LIMD1: variants seen among roughly 807,000 people sequenced by gnomAD.
LIMD1 encodes LIM domain-containing protein 1.
LIMD1 carries 23 observed loss-of-function variants against 58.4 expected under a neutral mutation model. The ratio of observed to expected loss-of-function variants is 0.39; its 90% CI spans 0.28 to 0.56. The LOEUF (loss-of-function observed/expected upper bound fraction) is 0.56, where lower values mean the gene tolerates loss of function less well. Among genes scored for constraint, LIMD1 ranks in the 20% least tolerant of loss-of-function variants. The pLI is 0.57. For missense variants in LIMD1, 838 were observed against 855.5 expected, an observed-to-expected ratio of 0.98 and a Z score of 0.25; for synonymous variants, 334 against 345.5, an observed-to-expected ratio of 0.97 and a Z score of 0.37.
rs1701339129 is a variant in LIMD1 at position 45,595,661 on chromosome 3, G to T, written c.782G>T (p.Gly261Val). 1 of 1,614,194 alleles carries T rather than the reference G, an allele frequency of 6.2e-7. No individual in the cohort carries two copies. Among genetic ancestry groups the T allele is most frequent in the Non-Finnish European group, 8.5e-7 (1 of 1,180,046 alleles). ...GGCCGCAGCAGCGAGAAGCCAACAGGCCTTTGGTCCACTGCCTCCTCCCAG... is the reference window on the plus strand; with the variant it reads ...GGCCGCAGCAGCGAGAAGCCAACAGTCCTTTGGTCCACTGCCTCCTCCCAG... Reference protein sequence around the residue: ...IGGRSSEKPTGLWSTASSQRV... With the variant: ...IGGRSSEKPTVLWSTASSQRV... The change falls in exon 1 of 8, where the codon GGC (glycine) becomes GTC (valine). Residue 261 changes from glycine (G) to valine (V), a missense_variant. This residue lies in a region of LIMD1 where 659 missense variants were observed against 639.8 expected (regional missense o/e 1.03). Transcript: ENST00000273317.
rs1196229842 is a variant in LIMD1, at chr3:45,595,380, C to T, written c.501C>T (p.Pro167=). The change falls in exon 1 of 8, where the codon CCC becomes CCT. Residue 167 remains proline, a synonymous_variant. Coordinates refer to ENST00000273317, the MANE Select transcript of LIMD1 (RefSeq NM_014240.3). ...SEMSAFHQPG[P]CEDPSCLTHG... is the part of the protein sequence containing the mutation. ...TGTCTGCTTTCCACCAGCCAGGCCC[C>T]TGTGAGGATCCTTCCTGCCTCACTC... 4.3e-6 allele frequency: 7 copies of T among 1,613,754 alleles called. No homozygotes were observed. Among genetic ancestry groups the T allele is most frequent in the African/African-American group, 4.0e-5 (3 of 74,932 alleles).
chr3:45,673,933 C>G (rs1403406970), intron 6 of LIMD1: 2 of 258,016 alleles, frequency 7.8e-6, no homozygotes, highest in East Asian at 1.7e-4. Flanking sequence ...TGAGATAAGT[C>G]GTGTCTTCAC....
chr3:45,596,014 A>G lies in LIMD1; in HGVS notation c.1135A>G (p.Thr379Ala), dbSNP rs757118140. 1.9e-6 allele frequency: 3 copies of G among 1,614,180 alleles called. No homozygotes were observed. Among genetic ancestry groups the G allele is most frequent in the Non-Finnish European group, 2.5e-6 (3 of 1,180,032 alleles). Residue 379 changes from threonine (T) to alanine (A), a missense_variant, in exon 1 of 8, where the codon ACT (threonine) becomes GCT (alanine). By Grantham distance (58) the Thr-to-Ala change is moderately conservative. Around this residue, in one of 3 missense-constraint regions of LIMD1, gnomAD observed 659 missense variants for 639.8 expected, o/e 1.03. Transcript: ENST00000273317. ...GPKPGCTDLG[T>A]GPKLSPTSLV... ...GAAGCCTGGCTGCACAGACCTTGGC[A>G]CTGGTCCCAAGCTCAGCCCCACCAG...
intron 6 of LIMD1, chr3:45,674,038 T>TA: frequency 2.9e-6 from 1 of 341,720 alleles, no homozygotes; most frequent in East Asian, 5.1e-5. Context: ...TACTAATTCT[T>TA]AGATTAGCAG....
In LIMD1 at chr3:45,594,844, C is replaced by G. The variant is rs1559510704; in HGVS notation, c.-36C>G. The G allele has an allele frequency of 7.2e-7, 1 of 1,385,780 alleles. No individual in the cohort carries two copies. The highest frequency in any genetic ancestry group is 1.0e-6 in the Non-Finnish European group (1 of 1,004,412). 85.8% of individuals were successfully genotyped at this position (1,385,780 alleles called of 1,614,324 possible). On this transcript the variant is annotated 5_prime_UTR_variant, in exon 1 of 8. Coordinates refer to ENST00000273317, the MANE Select transcript of LIMD1 (RefSeq NM_014240.3). ...ACACACACACACACACACACACACA[C>G]GGCACCTGGGCTAGGCCCGGACACC...
At position 45,678,743 on chromosome 3, in the gene LIMD1, C is replaced by A. The variant is rs910490382; in HGVS notation, c.*1684C>A. 15 of 152,232 alleles carry A rather than the reference C, an allele frequency of 9.9e-5. No homozygotes were observed. Among genetic ancestry groups the A allele is most frequent in the African/African-American group, 3.4e-4 (14 of 41,440 alleles). 9.4% of individuals were successfully genotyped at this position (152,232 alleles called of 1,614,324 possible). A position where few individuals can be genotyped will look rare whatever the true frequency, so the allele number is the denominator to read the frequency against. On this transcript the variant is annotated 3_prime_UTR_variant, in exon 8 of 8. Coordinates refer to ENST00000273317, the MANE Select transcript of LIMD1 (RefSeq NM_014240.3). The stretch of plus-strand genomic sequence containing the variant: ...CTAGCACGTGTGAACTCAGGCTTTT[C>A]ATTGGGCCCGGCTCCACTTCTAGGC...
intron 3 of LIMD1, among the ~76,000 whole-genome samples, chr3:45,667,915 A>G (rs530225353): frequency 6.6e-6 from 1 of 152,128 alleles, no homozygotes; most frequent in Admixed American, 6.5e-5. Context: ...TGAGTTTCCA[A>G]ATCAGTAGGT....
At chr3:45,662,991 A>C (rs370486722) in intron 2 of LIMD1, among the ~76,000 whole-genome samples, 12 of 152,120 alleles carry the variant, frequency 7.9e-5, no homozygotes, top group Non-Finnish European at 1.6e-4. Flanking sequence ...CTCAAAAAAA[A>C]AAAACAAAAC....
intron 1 of LIMD1, among the ~76,000 whole-genome samples, chr3:45,605,488 C>T (rs190152493): frequency 6.6e-6 from 1 of 152,310 alleles, no homozygotes; most frequent in African/African-American, 2.4e-5. Context: ...AGACTGTCTG[C>T]AGAAAGTATC....
chr3:45,673,384 C>T, intron 5 of LIMD1, 70 bp from the exon 6 acceptor site: 1 of 1,262,958 alleles, frequency 7.9e-7, no homozygotes, highest in Non-Finnish European at 1.2e-6. Flanking sequence ...ATGTGGATTC[C>T]AAGTGCAAGT....
intron 2 of LIMD1, among the ~76,000 whole-genome samples, chr3:45,642,489 A>G (rs1296298322): frequency 2.0e-5 from 3 of 152,168 alleles, no homozygotes; most frequent in African/African-American, 4.8e-5. Flanking sequence ...TGCAAAGACA[A>G]TTTTAAAGAC....
At chr3:45,630,920 C>T (rs1257003846) in intron 1 of LIMD1, among the ~76,000 whole-genome samples, 1 of 152,168 alleles carries the variant, frequency 6.6e-6, no homozygotes, top group African/African-American at 2.4e-5. Context: ...ATCCCCAAGT[C>T]TGGCTAGGTG....
chr3:45,674,420 CT>C lies in LIMD1; in HGVS notation c.1893+10del. On this transcript the variant is annotated intron_variant, in intron 7 of 7. Coordinates refer to ENST00000273317, the MANE Select transcript of LIMD1 (RefSeq NM_014240.3). ...AGTGTTACCACTGCGAGGTAGACCC[CT>C]CCCCACCCAGCCCCCAAAGCCCATT... 6.2e-7 allele frequency: 1 copy of C among 1,608,182 alleles called. No individual in the cohort carries two copies. Among genetic ancestry groups the C allele is most frequent in the Non-Finnish European group, 8.5e-7 (1 of 1,174,984 alleles).
chr3:45,656,321 C>G (rs1559523624), intron 2 of LIMD1, among the ~76,000 whole-genome samples: 1 of 152,100 alleles, frequency 6.6e-6, no homozygotes, highest in African/African-American at 2.4e-5. Flanking sequence ...GAACAGAAAA[C>G]AAGAGAGACA....
intron 1 of LIMD1, among the ~76,000 whole-genome samples, chr3:45,632,845 T>C (rs764701698): frequency 3.3e-5 from 5 of 152,192 alleles, no homozygotes; most frequent in Non-Finnish European, 7.3e-5. Context: ...TCACTGTGCA[T>C]GGGCCCCTAG....
At chr3:45,626,698 ACCCAGAGT>A (rs954710723) in intron 1 of LIMD1, among the ~76,000 whole-genome samples, 1 of 152,122 alleles carries the variant, frequency 6.6e-6, no homozygotes, top group Non-Finnish European at 1.5e-5. Context: ...AATGTACAGC[ACCCAGAGT>A]GAACCCACAC....
In LIMD1 at chr3:45,665,691, A is replaced by G; in HGVS notation, c.1552A>G (p.Lys518Glu). The change falls in exon 3 of 8, where the codon AAA becomes GAA. Residue 518 changes from lysine to glutamate, a missense_variant. Around this residue, in one of 3 missense-constraint regions of LIMD1, gnomAD observed 5 missense variants for 18.3 expected, o/e 0.27. Coordinates refer to ENST00000273317, the MANE Select transcript of LIMD1 (RefSeq NM_014240.3). ...RGKAFYFVNG[K>E]VFCEEDFLYS... ...AAAAGCCTTTTATTTTGTCAACGGC[A>G]AAGTGTTTTGTGAAGAAGACTTCCT... is the stretch of plus-strand genomic sequence containing the variant. The G allele has an allele frequency of 1.2e-6, 2 of 1,614,168 alleles. No homozygotes were observed. The highest frequency in any genetic ancestry group is 1.7e-6 in the Non-Finnish European group (2 of 1,180,008).
In LIMD1 at chr3:45,677,068, A is replaced by G. The variant is rs1325579969; in HGVS notation, c.*9A>G. Reference sequence around the variant, plus strand: ...ACCAGCACCACTTCTAGCCAGAGCCACTTGCAGACATCACGGCAGGGGATG... The same window carrying G: ...ACCAGCACCACTTCTAGCCAGAGCCGCTTGCAGACATCACGGCAGGGGATG... On this transcript the variant is annotated 3_prime_UTR_variant, in exon 8 of 8. Transcript: ENST00000273317. The G allele has an allele frequency of 6.2e-7, 1 of 1,611,666 alleles. No individual in the cohort carries two copies. The highest frequency in any genetic ancestry group is 8.5e-7 in the Non-Finnish European group (1 of 1,178,934).
At chr3:45,622,177 C>G (rs1174808539) in intron 1 of LIMD1, among the ~76,000 whole-genome samples, 1 of 152,132 alleles carries the variant, frequency 6.6e-6, no homozygotes, top group Non-Finnish European at 1.5e-5. Context: ...AAAATAAACT[C>G]TACTCCCACT....
Sources: allele counts gnomAD v4.1 joint callset (sites outside exome capture counted in the v4.1 genomes callset), GRCh38; gene constraint gnomAD v4.1.1; regional missense constraint gnomAD v4.1.1; transcripts MANE v1.5; gene names NCBI Gene and HGNC (gene_info 2026-07-23, HGNC 2026-07-21).